The following NDUFB3 variants were observed in gnomAD, a reference collection of about 807,000 sequenced individuals.
The protein encoded by NDUFB3 is NADH:ubiquinone oxidoreductase subunit B3.
NDUFB3 carries 7 observed loss-of-function variants against 9.0 expected under a neutral mutation model. The observed-to-expected ratio is 0.78, with a 90% CI of 0.44 to 1.46. The LOEUF (loss-of-function observed/expected upper bound fraction) is 1.46, where lower values mean the gene tolerates loss of function less well. Ranked by LOEUF, NDUFB3 falls within the 40% of genes most tolerant of loss-of-function variation. NDUFB3 has a pLI of 0.01. For missense variants in NDUFB3, 93 were observed against 115.4 expected (o/e 0.81, Z 0.89); for synonymous variants, 29 against 38.5 (o/e 0.75, Z 0.91).
chr2:201,074,655 C>A (rs1282388874), intron 1 of NDUFB3, among the ~76,000 whole-genome samples: 2 of 151,920 alleles, frequency 1.3e-5, no homozygotes, highest in African/African-American at 4.8e-5. Context: ...CAGGGTTTCC[C>A]CATGTTGGCC....
Position 201,085,584 on chromosome 2 carries a change from A to C in NDUFB3, c.266A>C (p.Glu89Ala). ...GCTGTAGGAGCTGAATATTACCTGG[A>C]GTCCCTGAATAAAGATAAGAAGCAT... The part of the protein sequence containing the change: ...VVAVGAEYYL[E>A]SLNKDKKHH The change falls in exon 3 of 3, where the codon GAG (glutamate) becomes GCG (alanine). Residue 89 changes from glutamate (E) to alanine (A), a missense_variant. Glu to Ala is a moderately radical substitution (Grantham distance 107). Transcript: ENST00000237889. 1 of 1,612,520 alleles carries C rather than the reference A, an allele frequency of 6.2e-7. No homozygotes were observed. Among genetic ancestry groups the C allele is most frequent in the Non-Finnish European group, 8.5e-7 (1 of 1,179,250 alleles).
At chr2:201,075,676 T>C (rs1351852923) in intron 1 of NDUFB3, among the ~76,000 whole-genome samples, 8 of 152,016 alleles carry the variant, frequency 5.3e-5, no homozygotes, top group African/African-American at 1.9e-4. Context: ...AATAAACTTG[T>C]ATAGGAGAAA....
rs2125538882 is a variant in NDUFB3 at position 201,083,744 on chromosome 2, A to T, written c.141-1715A>T. Among the ~76,000 whole-genome samples, 3 of 152,282 alleles carry T rather than the reference A, an allele frequency of 2.0e-5. No individual in the cohort carries two copies. The South Asian group carries it at 6.2e-4, about 32-fold the overall frequency. ...TCCTTTTTATTCTGTTAATATGGCG[A>T]GTTACTTCTATTAATTTTCAAATAT... On this transcript the variant is annotated intron_variant, in intron 2 of 2. Transcript: ENST00000237889.
intron 2 of NDUFB3, among the ~76,000 whole-genome samples, chr2:201,080,904 C>T (rs989769861): frequency 4.6e-5 from 7 of 151,278 alleles, no homozygotes; most frequent in African/African-American, 1.2e-4. Context: ...GGGGTTTCAC[C>T]GTGTTAGCCA....
chr2:201,074,493 G>A (rs1361001166), intron 1 of NDUFB3, among the ~76,000 whole-genome samples: 1 of 129,974 alleles, frequency 7.7e-6, no homozygotes, highest in Non-Finnish European at 1.5e-5. Context: ...ATCTCACTCT[G>A]TCACCCAGGC....
chr2:201,078,742 T>A lies in NDUFB3; in HGVS notation c.-2-139T>A, dbSNP rs529243053. 10 of 807,234 alleles carry A rather than the reference T, an allele frequency of 1.2e-5. No homozygotes were observed. The African/African-American group carries it at 1.6e-4, about 13-fold the overall frequency. 50.0% of individuals were successfully genotyped at this position (807,234 alleles called of 1,614,324 possible). The stretch of plus-strand genomic sequence containing the variant: ...GAATAAGACACTTTTATAAAATCCT[T>A]TAACTGGAATTTTCAAGTATTTATA... On this transcript the variant is annotated intron_variant, in intron 1 of 2. Transcript: ENST00000237889.
In NDUFB3 at chr2:201,085,458, G is replaced by A. The variant is rs1196823317; in HGVS notation, c.141-1G>A. The A allele has an allele frequency of 6.4e-6, 10 of 1,570,728 alleles. No individual in the cohort carries two copies. Among genetic ancestry groups the A allele is most frequent in the Non-Finnish European group, 8.6e-6 (10 of 1,161,548 alleles). On this transcript the variant is annotated splice_acceptor_variant, in intron 2 of 2. Transcript: ENST00000237889. LOFTEE classifies it high-confidence loss of function. ...ATAATTTTTTCTTTTTTTTTTTCTA[G>A]CAATGAAGCTTGGAGATACATGGGT...
At chr2:201,077,409 GTATT>G (rs556399713) in intron 1 of NDUFB3, among the ~76,000 whole-genome samples, 88 of 152,110 alleles carry the variant, frequency 5.8e-4, no homozygotes, top group East Asian at 1.3e-3. Flanking sequence ...TAAAACCAAA[GTATT>G]TATATAACCA....
intron 1 of NDUFB3, among the ~76,000 whole-genome samples, chr2:201,077,343 A>C (rs1308649448): frequency 6.6e-6 from 1 of 152,176 alleles, no homozygotes; most frequent in African/African-American, 2.4e-5. Flanking sequence ...TGAATTAGCA[A>C]TTTAAATGAG....
intron 2 of NDUFB3, among the ~76,000 whole-genome samples, chr2:201,083,351 C>CTTTTTTT (rs748310803): frequency 6.7e-5 from 8 of 119,978 alleles, no homozygotes; most frequent in African/African-American, 9.7e-5. Flanking sequence ...TTTATTATTT[C>CTTTTTTT]TTTTTTTTTT....
At chr2:201,080,184 T>C (rs1392156096) in intron 2 of NDUFB3, among the ~76,000 whole-genome samples, 1 of 152,218 alleles carries the variant, frequency 6.6e-6, no homozygotes, top group Non-Finnish European at 1.5e-5. Flanking sequence ...TTTTTACATA[T>C]GTGCATCCAG....
At chr2:201,081,160 C>T (rs2047217502) in intron 2 of NDUFB3, among the ~76,000 whole-genome samples, 1 of 152,006 alleles carries the variant, frequency 6.6e-6, no homozygotes, top group African/African-American at 2.4e-5. Context: ...CAATGGGAAT[C>T]TATTTCACAT....
At chr2:201,085,089 G>A (rs2047275001) in intron 2 of NDUFB3, among the ~76,000 whole-genome samples, 2 of 152,182 alleles carry the variant, frequency 1.3e-5, no homozygotes, top group Admixed American at 1.3e-4. Flanking sequence ...AATATAAGTG[G>A]CATACCAAAG....
intron 2 of NDUFB3, among the ~76,000 whole-genome samples, chr2:201,083,815 T>C (rs2047259834): frequency 6.6e-6 from 1 of 152,240 alleles, no homozygotes; most frequent in Non-Finnish European, 1.5e-5. Flanking sequence ...CATTATGATG[T>C]ATTACCATTT....
At chr2:201,076,572 A>G (rs1194270221) in intron 1 of NDUFB3, among the ~76,000 whole-genome samples, 1 of 149,842 alleles carries the variant, frequency 6.7e-6, no homozygotes, top group Admixed American at 6.7e-5. Flanking sequence ...TTTACAAATA[A>G]TAAGTGTTGG....
intron 2 of NDUFB3, among the ~76,000 whole-genome samples, chr2:201,084,789 T>G (rs2047270932): frequency 6.6e-6 from 1 of 152,224 alleles, no homozygotes; most frequent in Non-Finnish European, 1.5e-5. Flanking sequence ...GTTAAATAGT[T>G]TTTGTTTTTC....
chr2:201,073,784 G>A (rs544431617), intron 1 of NDUFB3, among the ~76,000 whole-genome samples: 1 of 149,610 alleles, frequency 6.7e-6, no homozygotes, highest in Non-Finnish European at 1.5e-5. Context: ...AAAAAAATTT[G>A]TTTTTTTTTA....
intron 2 of NDUFB3, among the ~76,000 whole-genome samples, chr2:201,085,125 C>A (rs142703721): frequency 2.9e-4 from 44 of 152,316 alleles, no homozygotes; most frequent in African/African-American, 9.6e-4. Flanking sequence ...CTAACTTCAT[C>A]TTTCCGTGAT....
intron 1 of NDUFB3, among the ~76,000 whole-genome samples, chr2:201,073,267 TCA>T (rs1161204325): frequency 6.6e-6 from 1 of 152,218 alleles, no homozygotes; most frequent in Non-Finnish European, 1.5e-5. Flanking sequence ...ATAAATGGGT[TCA>T]GAGTGCATGT....
Sources: gnomAD v4.1 joint callset for allele counts (sites outside exome capture counted in the v4.1 genomes callset) on GRCh38, gnomAD v4.1.1 for gene constraint, MANE v1.5 for transcripts, NCBI Gene and HGNC (gene_info 2026-07-23, HGNC 2026-07-21) for gene names.